Variants in GULP1 observed in about 807,000 individuals in gnomAD.
GULP1 encodes PTB domain-containing engulfment adapter protein 1.
In GULP1, 19 loss-of-function variants were observed where a neutral mutation model predicts 40.9. The ratio of observed to expected loss-of-function variants is 0.46; its 90% confidence interval spans 0.32 to 0.68. The LOEUF is 0.68. GULP1 is among the 30% of genes least tolerant of loss of function. The pLI, the probability that GULP1 is intolerant of heterozygous loss-of-function variation, is 0.03. For missense variants in GULP1, 312 were observed against 362.2 expected (o/e 0.86, Z 1.12); for synonymous variants, 119 against 117.6 (o/e 1.01, Z -0.08).
At chr2:188,296,916 C>T (rs1339977647) in intron 1 of GULP1, among the ~76,000 whole-genome samples, 1 of 151,932 alleles carries the variant, frequency 6.6e-6, no homozygotes, top group African/African-American at 2.4e-5. Flanking sequence ...CTCTCTGTCT[C>T]TCTGTCTCTG....
chr2:188,584,852 T>C (rs953332106), intron 10 of GULP1, among the ~76,000 whole-genome samples: 4 of 152,110 alleles, frequency 2.6e-5, no homozygotes, highest in Non-Finnish European at 5.9e-5. Flanking sequence ...TAACCTTTTG[T>C]AAGGGTTCTT....
At chr2:188,423,846 A>T (rs2055790528) in intron 2 of GULP1, among the ~76,000 whole-genome samples, 1 of 151,738 alleles carries the variant, frequency 6.6e-6, no homozygotes. Flanking sequence ...ATGGCATTTT[A>T]AAAATATATA....
chr2:188,588,619 G>A (rs1207959526), intron 11 of GULP1: 1 of 152,144 alleles, frequency 6.6e-6, no homozygotes, highest in African/African-American at 2.4e-5. Context: ...ACATTTTGGT[G>A]AAGTTATTAT....
At chr2:188,438,673 A>G (rs1334322154) in intron 2 of GULP1, among the ~76,000 whole-genome samples, 1 of 81,098 alleles carries the variant, frequency 1.2e-5, no homozygotes, top group Non-Finnish European at 2.3e-5. Context: ...ATATATCACA[A>G]AAAAAATGTA....
intron 1 of GULP1, among the ~76,000 whole-genome samples, chr2:188,345,892 C>G (rs1376602808): frequency 6.6e-6 from 1 of 152,158 alleles, no homozygotes; most frequent in Non-Finnish European, 1.5e-5. Flanking sequence ...ATATTTCTTG[C>G]ATATACTGAA....
intron 1 of GULP1, among the ~76,000 whole-genome samples, chr2:188,308,601 A>G (rs2037535377): frequency 6.6e-6 from 1 of 152,130 alleles, no homozygotes; most frequent in Admixed American, 6.5e-5. Context: ...GTTCAGTAAA[A>G]AAGATGAAGT....
At chr2:188,420,414 TATTATTTTGGAA>T (rs2055235662) in intron 2 of GULP1, among the ~76,000 whole-genome samples, 1 of 152,212 alleles carries the variant, frequency 6.6e-6, no homozygotes, top group Non-Finnish European at 1.5e-5. Context: ...CTAAGTATTT[TATTATTTTGGAA>T]ATGTTGTGGC....
At chr2:188,396,430 C>T (rs1316361549) in intron 2 of GULP1, among the ~76,000 whole-genome samples, 1 of 152,166 alleles carries the variant, frequency 6.6e-6, no homozygotes, top group African/African-American at 2.4e-5. Flanking sequence ...ACAGAAGAGT[C>T]CATATGCGGA....
At chr2:188,388,219 A>G (rs2050041511) in intron 2 of GULP1, among the ~76,000 whole-genome samples, 1 of 152,014 alleles carries the variant, frequency 6.6e-6, no homozygotes, top group Non-Finnish European at 1.5e-5. Context: ...TTCTTAATCC[A>G]GTCTATCCCT....
intron 7 of GULP1, among the ~76,000 whole-genome samples, chr2:188,549,052 A>G (rs193171937): frequency 6.6e-6 from 1 of 151,916 alleles, no homozygotes; most frequent in African/African-American, 2.4e-5. Context: ...CTAGGAAAAG[A>G]GTTCTTAGAA....
At chr2:188,431,723 A>G (rs971962916) in intron 2 of GULP1, among the ~76,000 whole-genome samples, 3 of 152,054 alleles carry the variant, frequency 2.0e-5, no homozygotes, top group African/African-American at 4.8e-5. Context: ...ACATGCTCAT[A>G]CTTTCTATTT....
intron 6 of GULP1, among the ~76,000 whole-genome samples, chr2:188,539,120 A>G (rs1279848168): frequency 6.6e-6 from 1 of 151,986 alleles, no homozygotes; most frequent in Non-Finnish European, 1.5e-5. Context: ...TGTCCTCCAA[A>G]TGAAGATTAT....
intron 4 of GULP1, among the ~76,000 whole-genome samples, chr2:188,499,990 G>C (rs756939325): frequency 9.2e-5 from 14 of 151,674 alleles, no homozygotes; most frequent in Non-Finnish European, 2.1e-4. Context: ...GTTCTTTTCT[G>C]CACTATCCTA....
In GULP1 at chr2:188,440,984, G is replaced by GAGGAGA. The variant is rs746693538; in HGVS notation, c.-44-36673_-44-36672insGAGAAG. 3.3e-3 allele frequency among the ~76,000 whole-genome samples: 495 copies of GAGGAGA among 152,236 alleles called. 1 individual carries two copies. The highest frequency in any genetic ancestry group is 4.3e-3 in the Non-Finnish European group (292 of 68,014). On this transcript the variant is annotated intron_variant, in intron 2 of 11. Coordinates refer to ENST00000409830, the MANE Select transcript of GULP1 (RefSeq NM_016315.4). ...TTGTAGGAGGAGAAGAGGGGCAAAG[G>GAGGAGA]AGATGTAAGAAGTGGTCCCTATCCT...
At chr2:188,331,611 AAC>A (rs2041591918) in intron 1 of GULP1, among the ~76,000 whole-genome samples, 2 of 152,344 alleles carry the variant, frequency 1.3e-5, no homozygotes, top group Middle Eastern at 3.4e-3. Context: ...TTATTATAAC[AAC>A]ACATAATCTT....
chr2:188,538,828 C>A (rs182410623), intron 6 of GULP1, among the ~76,000 whole-genome samples: 2,757 of 150,846 alleles, frequency 0.018, 47 homozygotes, highest in Middle Eastern at 0.031. Flanking sequence ...AAGTGACACA[C>A]AAAAAAATCA....
chr2:188,553,472 T>G (rs1205420444), intron 7 of GULP1, among the ~76,000 whole-genome samples: 1 of 152,074 alleles, frequency 6.6e-6, no homozygotes, highest in Non-Finnish European at 1.5e-5. Context: ...CTTTACTGAT[T>G]TGTATATGTT....
intron 1 of GULP1, among the ~76,000 whole-genome samples, chr2:188,340,015 A>G (rs1417323147): frequency 6.6e-6 from 1 of 152,218 alleles, no homozygotes; most frequent in Non-Finnish European, 1.5e-5. Flanking sequence ...GGATGAACCT[A>G]AAAAGAACGA....
chr2:188,371,272 CAATT>C (rs1315382582), intron 1 of GULP1, among the ~76,000 whole-genome samples: 3 of 152,040 alleles, frequency 2.0e-5, no homozygotes, highest in African/African-American at 4.8e-5. Flanking sequence ...TGGCAATAAA[CAATT>C]AATAGCTTAG....
Sources: allele counts gnomAD v4.1 joint callset (sites outside exome capture counted in the v4.1 genomes callset), GRCh38; gene constraint gnomAD v4.1.1; transcripts MANE v1.5; gene names NCBI Gene and HGNC (gene_info 2026-07-23, HGNC 2026-07-21).